SLC38A6: variants seen among roughly 807,000 people sequenced by gnomAD.
SLC38A6 encodes the protein N system amino acid transporter NAT-1.
SLC38A6 carries 73 observed loss-of-function variants against 65.0 expected under a neutral mutation model. The observed-to-expected ratio is 1.12, with a 90% confidence interval of 0.93 to 1.37. SLC38A6 has a LOEUF of 1.37. Among genes scored for constraint, SLC38A6 ranks in the 40% most tolerant of loss-of-function variants. The probability of loss-of-function intolerance (pLI) is 0.00; values close to 1 mark genes in which losing one functional copy is unlikely to be tolerated. For missense variants in SLC38A6, 561 were observed against 531.1 expected, an observed-to-expected ratio of 1.06 and a Z score of -0.55; for synonymous variants, 183 against 178.8, an observed-to-expected ratio of 1.02 and a Z score of -0.19.
In SLC38A6 at chr14:60,982,506, AG is replaced by A. The variant is rs1462013496; in HGVS notation, c.106del. 1 of 1,606,066 alleles carries A rather than the reference AG, an allele frequency of 6.2e-7. No individual in the cohort carries two copies. The highest frequency in any genetic ancestry group is 8.5e-7 in the Non-Finnish European group (1 of 1,177,956). ...AACACTACTAAATTTGTGTGCTTAC[AG>A]GAACTTCACAGACAGCGATCCCCAG... On this transcript the variant is annotated splice_acceptor_variant, in intron 1 of 15. Transcript: ENST00000267488. LOFTEE classifies it high-confidence loss of function.
chr14:61,052,452 A>G lies in SLC38A6; in HGVS notation c.*23A>G, dbSNP rs756141009. ...TAAAAGAAATATTTTCCTACTTCTT[A>G]CAAGAATAATATACCCCTAGTTGCA... On this transcript the variant is annotated 3_prime_UTR_variant, in exon 16 of 16. Coordinates refer to ENST00000267488, the MANE Select transcript of SLC38A6 (RefSeq NM_153811.3). 66 of 1,558,658 alleles carry G rather than the reference A, an allele frequency of 4.2e-5. No homozygotes were observed. The highest frequency in any genetic ancestry group is 5.4e-5 in the Non-Finnish European group (62 of 1,155,882).
intron 15 of SLC38A6, 47 bp downstream of exon 15, chr14:61,052,182 T>C (rs780499913): frequency 1.4e-6 from 2 of 1,450,672 alleles, no homozygotes; most frequent in East Asian, 4.8e-5. Flanking sequence ...TTTTAAGAAA[T>C]AGTTTGTCAG....
At chr14:61,043,853 A>G (rs1181110804) in intron 10 of SLC38A6, among the ~76,000 whole-genome samples, 1 of 152,074 alleles carries the variant, frequency 6.6e-6, no homozygotes, top group Admixed American at 6.5e-5. Context: ...GTAAAGCTAA[A>G]TAGCCAATTA....
intron 6 of SLC38A6, 101 bp from the exon 7 acceptor site, chr14:61,036,958 C>CTGTGTGTG: frequency 2.6e-6 from 1 of 378,004 alleles, no homozygotes; most frequent in East Asian, 4.1e-5. Flanking sequence ...ATGGTTATAA[C>CTGTGTGTG]TCTGTGTGTG....
chr14:61,008,218 A>C (rs1391731299), intron 3 of SLC38A6, among the ~76,000 whole-genome samples: 1 of 152,140 alleles, frequency 6.6e-6, no homozygotes, highest in African/African-American at 2.4e-5. Flanking sequence ...AAGTTTCCAA[A>C]TTCGTTGATC....
At chr14:61,083,627 A>T (rs142796767) in exon 17 of SLC38A6, 252 of 1,550,534 alleles carry the variant, frequency 1.6e-4, no homozygotes, top group Non-Finnish European at 2.0e-4. Context: ...AACTGTTTAC[A>T]AGCCAAGGGA....
chr14:61,034,658 T>A (rs1472580971), intron 6 of SLC38A6, among the ~76,000 whole-genome samples: 1 of 152,178 alleles, frequency 6.6e-6, no homozygotes, highest in African/African-American at 2.4e-5. Flanking sequence ...TGATTCTTAC[T>A]CAAGAGTGAC....
In SLC38A6 at chr14:61,062,438, T is replaced by C. The variant is rs1389192225; in HGVS notation, c.1290+10303T>C. ...GATATTGAGCATCTTTTCATATGCA[T>C]ATTTGCCATCTGTTTATTTTCTTTG... On this transcript the variant is annotated intron_variant, in intron 15 of 16. Coordinates refer to the SLC38A6 transcript ENST00000354886. 2.0e-5 allele frequency among the ~76,000 whole-genome samples: 3 copies of C among 152,272 alleles called. No individual in the cohort carries two copies. In the East Asian group the frequency reaches 5.8e-4, roughly 29 times the overall value.
chr14:61,081,353 A>G (rs1353427513), intron 16 of SLC38A6, among the ~76,000 whole-genome samples: 1 of 100,724 alleles, frequency 9.9e-6, no homozygotes, highest in Non-Finnish European at 2.5e-5. Flanking sequence ...CCTTTTGCTC[A>G]TCACTCATAG....
intron 3 of SLC38A6, among the ~76,000 whole-genome samples, chr14:61,015,258 C>T (rs564782949): frequency 4.5e-4 from 69 of 152,234 alleles, no homozygotes; most frequent in African/African-American, 1.6e-3. Context: ...GGGAGTGACC[C>T]GATTTTCCAG....
chr14:60,994,877 A>G (rs374104255), intron 3 of SLC38A6, among the ~76,000 whole-genome samples: 1 of 148,866 alleles, frequency 6.7e-6, no homozygotes, highest in South Asian at 2.1e-4. Flanking sequence ...GGTGACACAC[A>G]CCTGTAATCC....
At chr14:61,031,426 T>G (rs2040982280) in intron 6 of SLC38A6, among the ~76,000 whole-genome samples, 1 of 152,124 alleles carries the variant, frequency 6.6e-6, no homozygotes, top group African/African-American at 2.4e-5. Flanking sequence ...AGAATTCTAC[T>G]TAGACAACTG....
chr14:61,034,236 C>T (rs1447467410), intron 6 of SLC38A6: 1 of 152,096 alleles, frequency 6.6e-6, no homozygotes, highest in Non-Finnish European at 1.5e-5. Flanking sequence ...AAAAAGTGTT[C>T]CTTTATTCCT....
chr14:61,025,709 T>C (rs546176812), intron 5 of SLC38A6, among the ~76,000 whole-genome samples: 88 of 152,266 alleles, frequency 5.8e-4, no homozygotes, highest in Middle Eastern at 3.4e-3. Context: ...AGATATACAT[T>C]TTTTTCTAGG....
intron 10 of SLC38A6, 32 bp downstream of exon 10, chr14:61,043,535 G>T: frequency 1.3e-6 from 2 of 1,521,176 alleles, no homozygotes; most frequent in South Asian, 2.4e-5. Flanking sequence ...ACTTTTAGTT[G>T]ATTTTTCACA....
chr14:61,062,868 AG>A (rs2042899357), intron 15 of SLC38A6, among the ~76,000 whole-genome samples: 1 of 152,006 alleles, frequency 6.6e-6, no homozygotes, highest in Non-Finnish European at 1.5e-5. Flanking sequence ...TTTAGTAGAT[AG>A]GGTTTCGCCA....
intron 3 of SLC38A6, among the ~76,000 whole-genome samples, chr14:61,010,530 T>C (rs1407002868): frequency 6.6e-6 from 1 of 152,232 alleles, no homozygotes; most frequent in Non-Finnish European, 1.5e-5. Flanking sequence ...AACATTTAAG[T>C]CTTTAATCCA....
chr14:61,004,618 C>A (rs2038951604), intron 3 of SLC38A6: 1 of 152,080 alleles, frequency 6.6e-6, no homozygotes, highest in African/African-American at 2.4e-5. Context: ...ACACATACAC[C>A]CTCCCAACAC....
intron 5 of SLC38A6, among the ~76,000 whole-genome samples, chr14:61,029,155 C>CTTTTTTTTT (rs111427405): frequency 1.5e-5 from 2 of 130,336 alleles, no homozygotes; most frequent in Non-Finnish European, 3.3e-5. Context: ...ACTCTTTATT[C>CTTTTTTTTT]TTTTTTTTTT....
Sources: gnomAD v4.1 joint callset for allele counts (sites outside exome capture counted in the v4.1 genomes callset) on GRCh38, gnomAD v4.1.1 for gene constraint, MANE v1.5 for transcripts, NCBI Gene and HGNC (gene_info 2026-07-23, HGNC 2026-07-21) for gene names.